PLPPR1: variants seen among roughly 807,000 people sequenced by gnomAD.
PLPPR1 encodes phospholipid phosphatase-related protein type 1.
PLPPR1 carries 10 observed loss-of-function variants against 33.1 expected under a neutral mutation model. The observed-to-expected ratio is 0.30, with a 90% confidence interval of 0.19 to 0.51. PLPPR1 has a LOEUF of 0.51. PLPPR1 is among the 20% of genes least tolerant of loss of function. PLPPR1 has a pLI of 0.97. For missense variants in PLPPR1, 304 were observed against 408.1 expected, an observed-to-expected ratio of 0.74 and a Z score of 2.20; for synonymous variants, 151 against 151.0, an observed-to-expected ratio of 1.00 and a Z score of 0.00.
intron 1 of PLPPR1, among the ~76,000 whole-genome samples, chr9:101,083,423 T>C (rs74628796): frequency 4.6e-5 from 7 of 151,200 alleles, no homozygotes; most frequent in African/African-American, 7.3e-5. Flanking sequence ...CAAAATTGAC[T>C]GGAAAGAATA....
chr9:101,313,000 T>C, intron 6 of PLPPR1, 26 bp downstream of exon 6: 1 of 1,607,030 alleles, frequency 6.2e-7, no homozygotes, highest in Non-Finnish European at 8.5e-7. Context: ...TCTTTTTACC[T>C]TTTCCCCCTC....
intron 2 of PLPPR1, among the ~76,000 whole-genome samples, chr9:101,209,793 G>A (rs1247241430): frequency 1.3e-5 from 2 of 152,160 alleles, no homozygotes; most frequent in African/African-American, 4.8e-5. Context: ...TGCAAATGTG[G>A]ATAATTTTTT....
chr9:101,183,244 A>G (rs1419594278), intron 1 of PLPPR1, among the ~76,000 whole-genome samples: 1 of 151,868 alleles, frequency 6.6e-6, no homozygotes, highest in East Asian at 1.9e-4. Context: ...AATACTGGAT[A>G]TAGCCAAAAA....
At chr9:101,030,620 G>C (rs922167375) in intron 1 of PLPPR1, among the ~76,000 whole-genome samples, 3 of 151,824 alleles carry the variant, frequency 2.0e-5, no homozygotes, top group African/African-American at 4.8e-5. Flanking sequence ...TGCACGTCAG[G>C]AGCCTTGTAT....
intron 1 of PLPPR1, among the ~76,000 whole-genome samples, chr9:101,177,133 T>G (rs530520023): frequency 3.3e-5 from 5 of 152,332 alleles, no homozygotes; most frequent in African/African-American, 1.2e-4. Context: ...TAGGATTTTT[T>G]TTCTATTTCT....
chr9:101,284,159 T>G (rs1828349518), intron 3 of PLPPR1, among the ~76,000 whole-genome samples: 1 of 152,010 alleles, frequency 6.6e-6, no homozygotes, highest in South Asian at 2.1e-4. Flanking sequence ...GGAAATGAAA[T>G]AAGTATATCA....
intron 1 of PLPPR1, among the ~76,000 whole-genome samples, chr9:101,049,804 C>A (rs1385845993): frequency 6.6e-6 from 1 of 151,414 alleles, no homozygotes; most frequent in Non-Finnish European, 1.5e-5. Flanking sequence ...AACAAGTGAT[C>A]TTCTTAATAA....
chr9:101,059,862 A>G (rs1830323273), intron 1 of PLPPR1, among the ~76,000 whole-genome samples: 1 of 152,026 alleles, frequency 6.6e-6, no homozygotes, highest in South Asian at 2.1e-4. Flanking sequence ...GCACACCATT[A>G]ATGAGAATGT....
At chr9:101,092,945 A>C (rs2118535361) in intron 1 of PLPPR1, among the ~76,000 whole-genome samples, 1 of 152,254 alleles carries the variant, frequency 6.6e-6, no homozygotes, top group Middle Eastern at 3.4e-3. Context: ...TGAGAAAATG[A>C]CCATCTGCAA....
chr9:101,153,662 A>T (rs1305697579), intron 1 of PLPPR1, among the ~76,000 whole-genome samples: 4 of 150,940 alleles, frequency 2.7e-5, no homozygotes, highest in Admixed American at 2.6e-4. Context: ...GCAAGCTCCG[A>T]CTCCCGGGTT....
chr9:101,170,186 T>C (rs1327276640), intron 1 of PLPPR1, among the ~76,000 whole-genome samples: 1 of 152,090 alleles, frequency 6.6e-6, no homozygotes, highest in Admixed American at 6.6e-5. Flanking sequence ...TGGAGCAAAG[T>C]TGACAGTCCA....
intron 1 of PLPPR1, among the ~76,000 whole-genome samples, chr9:101,149,981 C>T (rs576471166): frequency 3.9e-5 from 6 of 152,082 alleles, no homozygotes; most frequent in East Asian, 3.9e-4. Context: ...TTAATATCTT[C>T]GTTTTTCTTA....
At chr9:101,113,562 A>G (rs1330923689) in intron 1 of PLPPR1, among the ~76,000 whole-genome samples, 2 of 152,100 alleles carry the variant, frequency 1.3e-5, no homozygotes, top group Admixed American at 6.5e-5. Flanking sequence ...AATTTTTACA[A>G]CTTCTTAAAT....
At chr9:101,286,487 A>G (rs970396014) in intron 4 of PLPPR1, among the ~76,000 whole-genome samples, 1 of 152,104 alleles carries the variant, frequency 6.6e-6, no homozygotes, top group Non-Finnish European at 1.5e-5. Flanking sequence ...GTATGTTTTA[A>G]TATTGGCTGG....
chr9:101,309,669 G>A (rs1043040325), intron 5 of PLPPR1, among the ~76,000 whole-genome samples: 1 of 152,024 alleles, frequency 6.6e-6, no homozygotes, highest in Non-Finnish European at 1.5e-5. Flanking sequence ...GAGGATATTA[G>A]TTCTGGAATG....
chr9:101,156,567 A>AG (rs1831693105), intron 1 of PLPPR1, among the ~76,000 whole-genome samples: 1 of 112,104 alleles, frequency 8.9e-6, no homozygotes, highest in Admixed American at 9.9e-5. Flanking sequence ...AAAAAAAAAA[A>AG]AAAAAAGAAA....
At chr9:101,138,860 A>C (rs189493773) in intron 1 of PLPPR1, among the ~76,000 whole-genome samples, 1 of 152,266 alleles carries the variant, frequency 6.6e-6, no homozygotes, top group East Asian at 1.9e-4. Flanking sequence ...TTCCATTTCA[A>C]ATTTCATGTT....
intron 1 of PLPPR1, among the ~76,000 whole-genome samples, chr9:101,071,744 A>C (rs1268824415): frequency 6.6e-6 from 1 of 152,188 alleles, no homozygotes; most frequent in Admixed American, 6.5e-5. Flanking sequence ...GAAACAGAAC[A>C]AAGGAAATCA....
intron 2 of PLPPR1, among the ~76,000 whole-genome samples, chr9:101,216,411 TTAGA>T (rs1285230912): frequency 1.3e-5 from 2 of 152,170 alleles, no homozygotes; most frequent in African/African-American, 2.4e-5. Context: ...GTTTGAATTC[TTAGA>T]TAGACTGGTT....
Sources: gnomAD v4.1 joint callset for allele counts (sites outside exome capture counted in the v4.1 genomes callset) on GRCh38, gnomAD v4.1.1 for gene constraint, MANE v1.5 for transcripts, NCBI Gene and HGNC (gene_info 2026-07-23, HGNC 2026-07-21) for gene names.